Variants in SLC7A1 observed in about 807,000 individuals in gnomAD.
SLC7A1 encodes the protein high affinity cationic amino acid transporter 1.
Under a neutral mutation model 53.9 loss-of-function variants are expected in SLC7A1, and 10 were observed. The ratio of observed to expected loss-of-function variants is 0.19; its 90% CI spans 0.11 to 0.31. The LOEUF is 0.31. Ranked by LOEUF, SLC7A1 falls within the 10% of genes least tolerant of loss-of-function variation. The probability of loss-of-function intolerance (pLI) is 1.00; values close to 1 mark genes in which losing one functional copy is unlikely to be tolerated. For missense variants in SLC7A1, 525 were observed against 827.2 expected, an observed-to-expected ratio of 0.63 and a Z score of 4.48; for synonymous variants, 342 against 338.7, an observed-to-expected ratio of 1.01 and a Z score of -0.11.
In SLC7A1 at chr13:29,523,396, C is replaced by T. The variant is rs770522436; in HGVS notation, c.919G>A (p.Ala307Thr). 1 of 1,613,840 alleles carries T rather than the reference C, an allele frequency of 6.2e-7. No individual in the cohort carries two copies. Residue 307 changes from alanine (A) to threonine (T), a missense_variant, in exon 7 of 13, where the codon GCC becomes ACC. Physicochemically the swap from Ala to Thr is moderately conservative, Grantham distance 58 (BLOSUM62 0). Coordinates refer to ENST00000380752, the MANE Select transcript of SLC7A1 (RefSeq NM_003045.5). The stretch of plus-strand genomic sequence containing the variant: ...AAGTAGGGCATCATGAGCGTGAGGG[C>T]AGCCGACACCCCAAAGTAGGCGATG... ...CFIAYFGVSA[A>T]LTLMMPYFCL... is the part of the protein sequence containing the mutation.
At chr13:29,534,246 C>T (rs1395508461) in intron 3 of SLC7A1, among the ~76,000 whole-genome samples, 1 of 152,186 alleles carries the variant, frequency 6.6e-6, no homozygotes, top group Non-Finnish European at 1.5e-5. Context: ...GCTGAGAACA[C>T]ATTTTTATAA....
intron 2 of SLC7A1, among the ~76,000 whole-genome samples, chr13:29,542,300 C>T (rs1184499723): frequency 6.6e-6 from 1 of 152,058 alleles, no homozygotes; most frequent in Non-Finnish European, 1.5e-5. Context: ...ACTAAAAATA[C>T]AAAAATTAGC....
chr13:29,576,558 A>G (rs1871423189), intron 1 of SLC7A1, among the ~76,000 whole-genome samples: 1 of 152,188 alleles, frequency 6.6e-6, no homozygotes, highest in African/African-American at 2.4e-5. Flanking sequence ...AGCTGCAGAA[A>G]GTGAGAGAAG....
At chr13:29,562,248 C>T (rs1301321676) in intron 1 of SLC7A1, among the ~76,000 whole-genome samples, 3 of 152,172 alleles carry the variant, frequency 2.0e-5, no homozygotes, top group Non-Finnish European at 4.4e-5. Flanking sequence ...GTGAGAATGT[C>T]AATAGTTCTT....
chr13:29,564,141 A>G (rs1870874848), intron 1 of SLC7A1, among the ~76,000 whole-genome samples: 1 of 152,188 alleles, frequency 6.6e-6, no homozygotes, highest in South Asian at 2.1e-4. Context: ...CTGGAAGAAT[A>G]CACTGATTTT....
intron 1 of SLC7A1, among the ~76,000 whole-genome samples, chr13:29,565,404 C>G (rs989387291): frequency 1.3e-5 from 2 of 152,132 alleles, no homozygotes; most frequent in Non-Finnish European, 2.9e-5. Context: ...GCAGGCGTTC[C>G]CAGAACAGGG....
chr13:29,554,078 T>G (rs1046981568), intron 1 of SLC7A1, among the ~76,000 whole-genome samples: 2 of 152,190 alleles, frequency 1.3e-5, no homozygotes, highest in African/African-American at 4.8e-5. Context: ...ATAGATGCCC[T>G]CCGCACCAGA....
At chr13:29,566,558 A>G (rs1302029218) in intron 1 of SLC7A1, among the ~76,000 whole-genome samples, 2 of 152,224 alleles carry the variant, frequency 1.3e-5, no homozygotes, top group African/African-American at 4.8e-5. Context: ...CACTTATATG[A>G]AATGTCCAGG....
At chr13:29,546,924 G>A (rs1320989478) in intron 2 of SLC7A1, among the ~76,000 whole-genome samples, 1 of 152,122 alleles carries the variant, frequency 6.6e-6, no homozygotes, top group Non-Finnish European at 1.5e-5. Context: ...GGAAGCAATC[G>A]AGTCACAATT....
At position 29,568,811 on chromosome 13, in the gene SLC7A1, A is replaced by G. The variant is rs566216153; in HGVS notation, c.-114-14951T>C. ...AAATATGTGCTACCTGGCCCTGTAGACCACTTGCTTGATAAGCCCTGATCA... is the reference window on the plus strand; with the variant it reads ...AAATATGTGCTACCTGGCCCTGTAGGCCACTTGCTTGATAAGCCCTGATCA... On this transcript the variant is annotated intron_variant, in intron 1 of 12. Transcript: ENST00000380752. Among the ~76,000 whole-genome samples, 10 of 152,302 alleles carry G rather than the reference A, an allele frequency of 6.6e-5. No individual in the cohort carries two copies. The East Asian group carries it at 1.9e-3, about 29-fold the overall frequency.
intron 2 of SLC7A1, among the ~76,000 whole-genome samples, chr13:29,539,005 C>A (rs908497305): frequency 1.3e-5 from 2 of 152,310 alleles, no homozygotes; most frequent in African/African-American, 4.8e-5. Context: ...TAAGCAGATT[C>A]TCTCCATAAA....
intron 4 of SLC7A1, among the ~76,000 whole-genome samples, chr13:29,531,266 T>C (rs1003159894): frequency 4.6e-5 from 7 of 152,080 alleles, no homozygotes; most frequent in Non-Finnish European, 7.3e-5. Flanking sequence ...TTGGACTCAG[T>C]GCATATAAAA....
At chr13:29,530,264 T>C (rs1416923553) in intron 5 of SLC7A1, among the ~76,000 whole-genome samples, 1 of 152,178 alleles carries the variant, frequency 6.6e-6, no homozygotes, top group Admixed American at 6.5e-5. Flanking sequence ...GAATCCTGAA[T>C]GATACACAAT....
chr13:29,554,217 A>G (rs1471666771), intron 1 of SLC7A1, among the ~76,000 whole-genome samples: 2 of 152,212 alleles, frequency 1.3e-5, no homozygotes, highest in Non-Finnish European at 2.9e-5. Flanking sequence ...GGCCCCGGTC[A>G]GGCGCCATGA....
chr13:29,534,186 G>A (rs1218990372), intron 3 of SLC7A1, among the ~76,000 whole-genome samples: 3 of 152,126 alleles, frequency 2.0e-5, no homozygotes, highest in Non-Finnish European at 4.4e-5. Context: ...TCTGAATTAT[G>A]CCTTTTAAAA....
At chr13:29,580,324 G>T (rs1291267227) in intron 1 of SLC7A1, among the ~76,000 whole-genome samples, 4 of 152,188 alleles carry the variant, frequency 2.6e-5, no homozygotes, top group Non-Finnish European at 5.9e-5. Context: ...GGGTTCTCAG[G>T]CTCCAAGGTA....
intron 1 of SLC7A1, among the ~76,000 whole-genome samples, chr13:29,581,465 T>TG (rs1438633070): frequency 6.6e-6 from 1 of 152,212 alleles, no homozygotes; most frequent in Non-Finnish European, 1.5e-5. Flanking sequence ...CCAGCACCTT[T>TG]GGGGTGACAG....
At chr13:29,587,391 A>C (rs957101958) in intron 1 of SLC7A1, among the ~76,000 whole-genome samples, 2 of 152,242 alleles carry the variant, frequency 1.3e-5, no homozygotes, top group African/African-American at 4.8e-5. Context: ...ACCTTTCCCT[A>C]GGAACTTTTG....
At chr13:29,594,923 G>A (rs1039973060) in intron 1 of SLC7A1, among the ~76,000 whole-genome samples, 2 of 152,108 alleles carry the variant, frequency 1.3e-5, no homozygotes, top group East Asian at 1.9e-4. Context: ...CCCCACCCAC[G>A]GCTGATGACA....
Sources: allele counts gnomAD v4.1 joint callset (sites outside exome capture counted in the v4.1 genomes callset), GRCh38; gene constraint gnomAD v4.1.1; transcripts MANE v1.5; gene names NCBI Gene and HGNC (gene_info 2026-07-23, HGNC 2026-07-21).